Variants in DAPK2 observed in about 807,000 individuals in gnomAD.
DAPK2 encodes the protein death associated protein kinase 2.
DAPK2 carries 35 observed loss-of-function variants against 44.1 expected under a neutral mutation model. That is an observed-to-expected ratio of 0.79 (90% CI 0.61 to 1.05). The LOEUF is 1.05. Among genes scored for constraint, DAPK2 ranks in the 50% least tolerant of loss-of-function variants. DAPK2 has a pLI of 0.00. For synonymous variants in DAPK2, 174 were observed against 182.6 expected, an observed-to-expected ratio of 0.95 and a Z score of 0.38; for missense variants, 453 against 483.2, an observed-to-expected ratio of 0.94 and a Z score of 0.59.
intron 4 of DAPK2, among the ~76,000 whole-genome samples, chr15:63,931,566 G>A (rs1210282242): frequency 1.3e-5 from 2 of 152,170 alleles, no homozygotes; most frequent in Non-Finnish European, 2.9e-5. Context: ...CCTCCCACCT[G>A]AGGAGCAGGA....
At chr15:64,018,506 C>T (rs889233152) in intron 1 of DAPK2, among the ~76,000 whole-genome samples, 3 of 152,204 alleles carry the variant, frequency 2.0e-5, no homozygotes, top group Non-Finnish European at 4.4e-5. Context: ...CCCTGCCCCG[C>T]AACAAATGGC....
At chr15:64,009,009 T>C (rs1034667289) in intron 1 of DAPK2, among the ~76,000 whole-genome samples, 28 of 152,158 alleles carry the variant, frequency 1.8e-4, no homozygotes, top group African/African-American at 6.8e-4. Flanking sequence ...TGGCCAGAAT[T>C]TATTGTCACA....
intron 3 of DAPK2, among the ~76,000 whole-genome samples, chr15:63,958,921 T>C (rs1013010206): frequency 2.0e-5 from 3 of 152,234 alleles, no homozygotes; most frequent in Non-Finnish European, 2.9e-5. Context: ...GGGGATGGCA[T>C]TGAATCTATA....
exon 6 of DAPK2, chr15:63,929,553 G>A (rs1475494804): frequency 1.2e-6 from 2 of 1,614,144 alleles, no homozygotes; most frequent in Non-Finnish European, 1.7e-6. Flanking sequence ...ATACTCACAG[G>A]ATGTAGGTGA....
intron 2 of DAPK2, among the ~76,000 whole-genome samples, chr15:63,974,006 C>T (rs1471429398): frequency 6.6e-6 from 1 of 151,984 alleles, no homozygotes; most frequent in Non-Finnish European, 1.5e-5. Context: ...TAAGTATGGC[C>T]CCTAACTTAA....
At chr15:63,948,787 A>C (rs1280807944) in intron 3 of DAPK2, among the ~76,000 whole-genome samples, 1 of 152,202 alleles carries the variant, frequency 6.6e-6, no homozygotes, top group African/African-American at 2.4e-5. Flanking sequence ...ATTTTGTCAC[A>C]GTTTACAAAG....
chr15:64,008,937 T>C (rs2079311692), intron 1 of DAPK2, among the ~76,000 whole-genome samples: 1 of 152,020 alleles, frequency 6.6e-6, no homozygotes, highest in Non-Finnish European at 1.5e-5. Flanking sequence ...GAGGAAAGGG[T>C]AGGATCCCCT....
Position 63,984,213 on chromosome 15 carries a change from C to A in DAPK2, c.93-459G>T, listed in dbSNP as rs1410436626. Among the ~76,000 whole-genome samples the A allele has an allele frequency of 2.0e-5, 3 of 152,134 alleles. No individual in the cohort carries two copies. The East Asian group carries it at 5.8e-4, about 29-fold the overall frequency. ...GTGGGGGAGCATCACAGTCAGAGGA[C>A]TTGGTATAAACAGAGAGTTGTACAA... On this transcript the variant is annotated intron_variant, in intron 1 of 10. Coordinates refer to ENST00000261891, the Ensembl canonical transcript of DAPK2.
At chr15:64,014,903 G>C (rs1205689450) in intron 1 of DAPK2, among the ~76,000 whole-genome samples, 3 of 149,092 alleles carry the variant, frequency 2.0e-5, no homozygotes, top group South Asian at 4.2e-4. Flanking sequence ...ACTCTAGCCT[G>C]GGTGAAAGAG....
intron 1 of DAPK2, among the ~76,000 whole-genome samples, chr15:64,028,384 A>T (rs1323077768): frequency 6.6e-6 from 1 of 152,170 alleles, no homozygotes; most frequent in Non-Finnish European, 1.5e-5. Context: ...TTGTCCAGTA[A>T]TCTTCAAAAA....
At chr15:63,962,423 C>T (rs550135950) in intron 3 of DAPK2, among the ~76,000 whole-genome samples, 3 of 152,208 alleles carry the variant, frequency 2.0e-5, no homozygotes, top group Non-Finnish European at 2.9e-5. Context: ...GGAGAAGAGG[C>T]CCTCTGATTT....
intron 3 of DAPK2, among the ~76,000 whole-genome samples, chr15:63,955,274 C>T (rs570475772): frequency 7.0e-4 from 106 of 152,300 alleles, no homozygotes; most frequent in African/African-American, 2.4e-3. Context: ...CAGTATGATA[C>T]TAGCAGTGGG....
rs1477406544 is a variant in DAPK2 at position 64,013,989 on chromosome 15, T to C, written c.92+26181A>G. ...AAGAAACACCTTCTAGCCAGGGTTC[T>C]GGCCAGGAGGCTAGGCTGCCAGAGG... On this transcript the variant is annotated intron_variant, in intron 1 of 10. Coordinates refer to ENST00000261891, the Ensembl canonical transcript of DAPK2. This position sits in a 1 kb window ranked among gnomAD's most constrained non-coding sequence, Gnocchi z 4.7. Among the ~76,000 whole-genome samples, 3 of 152,248 alleles carry C rather than the reference T, an allele frequency of 2.0e-5. No individual in the cohort carries two copies. The highest frequency in any genetic ancestry group is 4.4e-5 in the Non-Finnish European group (3 of 68,050).
rs936558233 is a variant in DAPK2 at position 63,912,438 on chromosome 15, C to T, written c.859-241G>A. On this transcript the variant is annotated intron_variant, in intron 8 of 10. Coordinates refer to ENST00000261891, the Ensembl canonical transcript of DAPK2. This position sits in a 1 kb window ranked among gnomAD's most constrained non-coding sequence, Gnocchi z 4.4. ...CAGCCTGACACACACACAGCCTTGG[C>T]TGGAGGCTCAGCAGCTCCTGAAGGG... Among the ~76,000 whole-genome samples the T allele has an allele frequency of 6.6e-6, 1 of 152,246 alleles. No homozygotes were observed. Among genetic ancestry groups the T allele is most frequent in the Non-Finnish European group, 1.5e-5 (1 of 68,036 alleles).
intron 1 of DAPK2, among the ~76,000 whole-genome samples, chr15:64,029,191 T>C (rs2079939077): frequency 1.4e-5 from 2 of 140,250 alleles, no homozygotes; most frequent in South Asian, 2.4e-4. Flanking sequence ...CAATGAGACC[T>C]ACCCTTAGGG....
At chr15:63,953,538 GGCT>G (rs1363178882) in intron 3 of DAPK2, among the ~76,000 whole-genome samples, 1 of 152,138 alleles carries the variant, frequency 6.6e-6, no homozygotes, top group Non-Finnish European at 1.5e-5. Context: ...ACACTTTGGT[GGCT>G]TCCAATTCTT....
At chr15:64,031,371 T>A (rs2080011095) in intron 1 of DAPK2, among the ~76,000 whole-genome samples, 1 of 152,122 alleles carries the variant, frequency 6.6e-6, no homozygotes, top group Admixed American at 6.5e-5. Flanking sequence ...TAGCTGGGAC[T>A]ACAGGCGTGT....
At chr15:63,967,677 C>T (rs1037981880) in intron 3 of DAPK2, among the ~76,000 whole-genome samples, 7 of 152,040 alleles carry the variant, frequency 4.6e-5, no homozygotes, top group Admixed American at 2.0e-4. Context: ...GGCAACAGAG[C>T]GAGACTCTGT....
In DAPK2 at chr15:63,912,285, G is replaced by T; in HGVS notation, c.859-88C>A. The stretch of plus-strand genomic sequence containing the variant: ...CCGCAGAACTCCCCACCCACCGCAT[G>T]CCCACCGCCCTTGGCTTGACCCTGG... On this transcript the variant is annotated intron_variant, in intron 8 of 10. Transcript: ENST00000261891. The surrounding 1 kb of genome is among the most constrained non-coding windows in gnomAD (Gnocchi z 4.4). 1 of 1,341,886 alleles carries T rather than the reference G, an allele frequency of 7.5e-7. No homozygotes were observed. Among genetic ancestry groups the T allele is most frequent in the Middle Eastern group, 2.1e-4 (1 of 4,762 alleles). The allele number at this position is 1,341,886 out of a possible 1,614,324, so 83.1% of individuals were successfully genotyped here.
Sources: gnomAD v4.1 joint callset for allele counts (sites outside exome capture counted in the v4.1 genomes callset) on GRCh38, gnomAD v4.1.1 for gene constraint, Gnocchi (gnomAD v3.1) non-coding constraint, MANE v1.5 for transcripts, NCBI Gene and HGNC (gene_info 2026-07-23, HGNC 2026-07-21) for gene names.